Variants in TDP1 observed in about 807,000 individuals in gnomAD.
TDP1 encodes tyrosyl-DNA phosphodiesterase 1.
Under a neutral mutation model 81.5 loss-of-function variants are expected in TDP1, and 64 were observed. The observed-to-expected ratio is 0.79, with a 90% CI of 0.64 to 0.97. TDP1 has a LOEUF of 0.97. Among genes scored for constraint, TDP1 ranks in the 50% least tolerant of loss-of-function variants. The pLI is 0.00. For missense variants in TDP1, 723 were observed against 743.8 expected (o/e 0.97, Z 0.33); for synonymous variants, 256 against 264.3 (o/e 0.97, Z 0.30).
At chr14:90,021,576 A>G (rs2140276537) in intron 15 of TDP1, among the ~76,000 whole-genome samples, 1 of 152,312 alleles carries the variant, frequency 6.6e-6, no homozygotes, top group South Asian at 2.1e-4. Context: ...TTTTTACCCC[A>G]GATATTCTTT....
At chr14:89,972,698 C>T (rs1432041031) in intron 6 of TDP1, among the ~76,000 whole-genome samples, 1 of 152,230 alleles carries the variant, frequency 6.6e-6, no homozygotes, top group Non-Finnish European at 1.5e-5. Flanking sequence ...GAATTTCTCA[C>T]ATTTATGATA....
In TDP1 at chr14:89,980,598, C is replaced by G; in HGVS notation, c.850C>G (p.Leu284Val). 1.9e-6 allele frequency: 3 copies of G among 1,614,190 alleles called. No individual in the cohort carries two copies. The highest frequency in any genetic ancestry group is 1.7e-6 in the Non-Finnish European group (2 of 1,180,028). The change falls in exon 8 of 17, where the codon CTC becomes GTC. Residue 284 changes from leucine (L) to valine (V), a missense_variant. Transcript: ENST00000335725. ...CCGGGTTGTCATACACACCTCCAAC[C>G]TCATCCATGCTGACTGGCACCAGAA... ...GLRVVIHTSN[L>V]IHADWHQKTQ... is the part of the protein sequence containing the mutation.
chr14:89,989,213 TGGCGGGGGCG>T (rs1895912466), intron 11 of TDP1, 123 bp downstream of exon 11: 2 of 1,135,680 alleles, frequency 1.8e-6, no homozygotes, highest in Non-Finnish European at 2.4e-6. Context: ...TTTTTTGGCG[TGGCGGGGGCG>T]GGGTGCGGAA....
chr14:89,975,817 T>A lies in TDP1; in HGVS notation c.791+2T>A. ...TATTGCGTTTGGAACACACCACACGTAAGCACTTTTTGTGAAATAGGGGAA... is the reference window on the plus strand; with the variant it reads ...TATTGCGTTTGGAACACACCACACGAAAGCACTTTTTGTGAAATAGGGGAA... On this transcript the variant is annotated splice_donor_variant, in intron 7 of 16. Coordinates refer to ENST00000335725, the MANE Select transcript of TDP1 (RefSeq NM_018319.4). LOFTEE classifies it high-confidence loss of function. The A allele has an allele frequency of 6.2e-7, 1 of 1,612,034 alleles. No homozygotes were observed. Among genetic ancestry groups the A allele is most frequent in the Non-Finnish European group, 8.5e-7 (1 of 1,178,070 alleles).
In TDP1 at chr14:90,019,361, C is replaced by T. The variant is rs1885698272; in HGVS notation, c.1587C>T (p.Gly529=). 1 of 1,613,116 alleles carries T rather than the reference C, an allele frequency of 6.2e-7. No individual in the cohort carries two copies. Among genetic ancestry groups the T allele is most frequent in the Admixed American group, 1.7e-5 (1 of 60,004 alleles). ...CCTGGGGAGCATTGGAGAAGAATGG[C>T]ACCCAGCTGATGATCCGCTCCTACG... ...KAAWGALEKN[G]TQLMIRSYEL... The change falls in exon 15 of 17, where the codon GGC becomes GGT. Residue 529 remains glycine (G), a synonymous_variant. Coordinates refer to ENST00000335725, the MANE Select transcript of TDP1 (RefSeq NM_018319.4).
At chr14:90,016,345 G>A (rs1042870834) in intron 14 of TDP1, among the ~76,000 whole-genome samples, 3 of 152,112 alleles carry the variant, frequency 2.0e-5, no homozygotes, top group Non-Finnish European at 4.4e-5. Context: ...GCCCAGCCGA[G>A]ACAGCAGCCA....
rs527408649 is a variant in TDP1 at position 90,011,551 on chromosome 14, T to G, written c.1542-7765T>G. On this transcript the variant is annotated intron_variant, in intron 14 of 16. Transcript: ENST00000335725. ...GGACAATGAAGTCTAGGCTAACATGTTCCCAGATGGAGATGAGAAACTTGT... is the reference window on the plus strand; with the variant it reads ...GGACAATGAAGTCTAGGCTAACATGGTCCCAGATGGAGATGAGAAACTTGT... 5.3e-5 allele frequency among the ~76,000 whole-genome samples: 8 copies of G among 152,334 alleles called. No homozygotes were observed. The South Asian group carries it at 1.7e-3, about 32-fold the overall frequency.
chr14:89,980,569 G>C lies in TDP1; in HGVS notation c.821G>C (p.Gly274Ala). 2 of 1,614,156 alleles carry C rather than the reference G, an allele frequency of 1.2e-6. No homozygotes were observed. Among genetic ancestry groups the C allele is most frequent in the Non-Finnish European group, 1.7e-6 (2 of 1,180,034 alleles). ...TKMMLLLYEE[G>A]LRVVIHTSNL... ...ATGATGCTGCTGCTCTATGAAGAAG[G>C]CCTCCGGGTTGTCATACACACCTCC... The change falls in exon 8 of 17, where the codon GGC (glycine) becomes GCC (alanine). Residue 274 changes from glycine to alanine, a missense_variant. Physicochemically the swap from Gly to Ala is moderately conservative, Grantham distance 60. Coordinates refer to ENST00000335725, the MANE Select transcript of TDP1 (RefSeq NM_018319.4).
At position 89,962,915 on chromosome 14, in the gene TDP1, T is replaced by C. The variant is rs557056587; in HGVS notation, c.-7-193T>C. The stretch of plus-strand genomic sequence containing the variant: ...AAAAAAGAAAGGTGACCAGGACTTT[T>C]GCTTGTGATTTGGCAGAATCTGATA... On this transcript the variant is annotated intron_variant, in intron 2 of 16. Coordinates refer to ENST00000335725, the MANE Select transcript of TDP1 (RefSeq NM_018319.4). 6 of 985,254 alleles carry C rather than the reference T, an allele frequency of 6.1e-6. No homozygotes were observed. The African/African-American group carries it at 1.0e-4, about 17-fold the overall frequency. The allele number at this position is 985,254 out of a possible 1,614,324, so 61.0% of individuals were successfully genotyped here.
chr14:90,012,452 C>T (rs1386704295), intron 14 of TDP1, among the ~76,000 whole-genome samples: 1 of 151,734 alleles, frequency 6.6e-6, no homozygotes, highest in Non-Finnish European at 1.5e-5. Context: ...CCCTTCCACA[C>T]TGCCATAGCA....
upstream of TDP1, chr14:89,955,501 T>C (rs1235605423): frequency 6.6e-6 from 1 of 152,204 alleles, no homozygotes; most frequent in Non-Finnish European, 1.5e-5. Flanking sequence ...CTGAGTCCAA[T>C]GGGAACTCAT....
At chr14:90,043,033 A>G (rs750709781) in intron 16 of TDP1, 37 bp from the exon 17 acceptor site, 16 of 1,613,842 alleles carry the variant, frequency 9.9e-6, no homozygotes, top group African/African-American at 1.3e-5. Context: ...CTACCATCCT[A>G]TTCAAATAAA....
chr14:89,980,352 T>C (rs966472438), intron 7 of TDP1, 188 bp from the exon 8 acceptor site: 1 of 974,574 alleles, frequency 1.0e-6, no homozygotes, highest in Non-Finnish European at 1.2e-6. Flanking sequence ...TTCTGAAAGG[T>C]TTTCATCCTA....
At chr14:90,032,707 C>T (rs1887421612) in intron 15 of TDP1, 1 of 982,464 alleles carries the variant, frequency 1.0e-6, no homozygotes, top group Admixed American at 6.2e-5. Context: ...TTTCTTCTTA[C>T]TCCAGGCAGC....
In TDP1 at chr14:89,985,144, T is replaced by C. The variant is rs146777034; in HGVS notation, c.1065T>C (p.Ile355=). 1.2e-6 allele frequency: 2 copies of C among 1,610,968 alleles called. No individual in the cohort carries two copies. The highest frequency in any genetic ancestry group is 1.7e-6 in the Non-Finnish European group (2 of 1,178,158). ...TATGTCTTTTTAGTGTTTATCTTAT[T>C]GGTTCAACCCCAGGACGCTTTCAAG... ...HDLSETNVYL[I]GSTPGRFQGS... is the part of the protein sequence containing the mutation. The change falls in exon 10 of 17, where the codon ATT becomes ATC. Residue 355 remains isoleucine (I), a synonymous_variant. Coordinates refer to ENST00000335725, the MANE Select transcript of TDP1 (RefSeq NM_018319.4).
chr14:90,034,891 C>T (rs186686066), intron 16 of TDP1, among the ~76,000 whole-genome samples: 67 of 152,356 alleles, frequency 4.4e-4, no homozygotes, highest in South Asian at 3.9e-3. Context: ...AACAACTTCC[C>T]TACCCACTAA....
At chr14:90,026,802 T>A (rs1195329559) in intron 15 of TDP1, among the ~76,000 whole-genome samples, 1 of 152,256 alleles carries the variant, frequency 6.6e-6, no homozygotes, top group Non-Finnish European at 1.5e-5. Flanking sequence ...TCCTTTTTTA[T>A]GGCTGCATAG....
At chr14:89,964,731 A>G (rs757775021) in intron 3 of TDP1, 3 of 313,934 alleles carry the variant, frequency 9.6e-6, no homozygotes, top group Non-Finnish European at 1.9e-5. Context: ...ACAGACTGAC[A>G]AATATTTAGA....
intron 16 of TDP1, among the ~76,000 whole-genome samples, chr14:90,041,562 C>G (rs972891788): frequency 3.9e-5 from 6 of 152,196 alleles, no homozygotes; most frequent in African/African-American, 1.4e-4. Context: ...TTCCTGTGAC[C>G]TACCATCTGC....
Sources: gnomAD v4.1 joint callset for allele counts (sites outside exome capture counted in the v4.1 genomes callset) on GRCh38, gnomAD v4.1.1 for gene constraint, MANE v1.5 for transcripts, NCBI Gene and HGNC (gene_info 2026-07-23, HGNC 2026-07-21) for gene names.